The following RPS6KA2 variants were observed in gnomAD, a reference collection of about 807,000 sequenced individuals.
RPS6KA2 encodes ribosomal protein S6 kinase A2, also known as ribosomal protein S6 kinase alpha-2.
Under a neutral mutation model 91.8 loss-of-function variants are expected in RPS6KA2, and 42 were observed. That is an observed-to-expected ratio of 0.46 (90% CI 0.36 to 0.59). The LOEUF (loss-of-function observed/expected upper bound fraction) is 0.59, where lower values mean the gene tolerates loss of function less well. Ranked by LOEUF, RPS6KA2 falls within the 20% of genes least tolerant of loss-of-function variation. RPS6KA2 has a pLI of 0.00. For synonymous variants in RPS6KA2, 414 were observed against 393.6 expected (o/e 1.05, Z -0.61); for missense variants, 798 against 978.5 (o/e 0.82, Z 2.46).
intron 2 of RPS6KA2, among the ~76,000 whole-genome samples, chr6:166,792,785 C>T (rs1779125299): frequency 1.3e-5 from 2 of 152,244 alleles, no homozygotes; most frequent in Non-Finnish European, 2.9e-5. Context: ...GCAGAAAAGG[C>T]CTTTGACAAA....
In RPS6KA2 at chr6:166,802,442, G is replaced by A. The variant is rs76466372; in HGVS notation, c.123+55758C>T. Among the ~76,000 whole-genome samples the A allele has an allele frequency of 3.7e-3, 559 of 152,184 alleles. 4 individuals carry two copies. The highest frequency in any genetic ancestry group is 0.013 in the African/African-American group (538 of 41,526). On this transcript the variant is annotated intron_variant, in intron 2 of 21. Coordinates refer to the RPS6KA2 transcript ENST00000503859. The stretch of plus-strand genomic sequence containing the variant: ...AGATTTAAAAATAAGACCAGATCTC[G>A]GATTTTGGAAGGTCTTATGTGCTCA...
At chr6:166,796,839 A>C (rs1779238449) in intron 2 of RPS6KA2, among the ~76,000 whole-genome samples, 1 of 152,146 alleles carries the variant, frequency 6.6e-6, no homozygotes, top group Non-Finnish European at 1.5e-5. Flanking sequence ...TGGCACAGTC[A>C]CACGAGTCAC....
At position 166,495,796 on chromosome 6, in the gene RPS6KA2, AAGCCAGAGCCACC is replaced by A. The variant is rs1287994499; in HGVS notation, c.747+2699_747+2711del. 4.6e-5 allele frequency among the ~76,000 whole-genome samples: 7 copies of A among 152,318 alleles called. No individual in the cohort carries two copies. The South Asian group carries it at 6.2e-4, about 14-fold the overall frequency. On this transcript the variant is annotated intron_variant, in intron 8 of 20. Transcript: ENST00000265678. The surrounding 1 kb of genome is among the most constrained non-coding windows in gnomAD (Gnocchi z 4.4). ...AGCCAGGAGTGCTGAGAAGACACCG[AAGCCAGAGCCACC>A]AGCCAGAGCCACCAACCCGGCCAGG...
rs1779473584 is a variant in RPS6KA2 at position 166,805,582 on chromosome 6, G to A, written c.123+52618C>T. ...CAGAAAACACCTGCAAATACCTAAA[G>A]TCTACATCTCAGTCTGATCCTTGAC... On this transcript the variant is annotated intron_variant, in intron 2 of 21. Coordinates refer to the RPS6KA2 transcript ENST00000503859. Among the ~76,000 whole-genome samples, 4 of 152,146 alleles carry A rather than the reference G, an allele frequency of 2.6e-5. No homozygotes were observed. The South Asian group carries it at 6.2e-4, about 24-fold the overall frequency.
intron 10 of RPS6KA2, among the ~76,000 whole-genome samples, chr6:166,476,421 G>C (rs904908006): frequency 1.3e-5 from 2 of 152,222 alleles, no homozygotes; most frequent in Non-Finnish European, 2.9e-5. Flanking sequence ...AGTGTTCACT[G>C]TGGTCCGCTG....
intron 1 of RPS6KA2, among the ~76,000 whole-genome samples, chr6:166,546,179 CTG>C (rs1783820760): frequency 6.6e-6 from 1 of 152,138 alleles, no homozygotes; most frequent in African/African-American, 2.4e-5. Flanking sequence ...TAGCTACTGA[CTG>C]ACATGAGTGT....
intron 1 of RPS6KA2, among the ~76,000 whole-genome samples, chr6:166,613,813 G>A (rs527837425): frequency 9.2e-5 from 14 of 151,920 alleles, no homozygotes; most frequent in African/African-American, 3.4e-4. Context: ...GGCTTTTCAC[G>A]GCCTTCAGGA....
At chr6:166,540,197 A>G (rs968992944) in intron 1 of RPS6KA2, among the ~76,000 whole-genome samples, 1 of 152,260 alleles carries the variant, frequency 6.6e-6, no homozygotes, top group Non-Finnish European at 1.5e-5. Context: ...AAATGAAATC[A>G]CAATAGCAAT....
At chr6:166,748,154 A>G (rs1562415594) in intron 2 of RPS6KA2, among the ~76,000 whole-genome samples, 2 of 152,174 alleles carry the variant, frequency 1.3e-5, no homozygotes, top group African/African-American at 4.8e-5. Context: ...CGAAGAGATT[A>G]CTTCTGAAAA....
rs897494117 is a variant in RPS6KA2, at chr6:166,563,392, G to A, written c.100-24608C>T. Among the ~76,000 whole-genome samples, 2 of 152,160 alleles carry A rather than the reference G, an allele frequency of 1.3e-5. No homozygotes were observed. Among genetic ancestry groups the A allele is most frequent in the African/African-American group, 4.8e-5 (2 of 41,434 alleles). Reference sequence around the variant, plus strand: ...CTTTTCCTCCCAGTCTCCTGGGCTCGCCGCCAGCGGTGGGATCCCTCTTCC... The same window carrying A: ...CTTTTCCTCCCAGTCTCCTGGGCTCACCGCCAGCGGTGGGATCCCTCTTCC... On this transcript the variant is annotated intron_variant, in intron 1 of 20. Coordinates refer to ENST00000265678, the MANE Select transcript of RPS6KA2 (RefSeq NM_021135.6). This position sits in a 1 kb window ranked among gnomAD's most constrained non-coding sequence, Gnocchi z 4.1.
intron 1 of RPS6KA2, among the ~76,000 whole-genome samples, chr6:166,589,576 C>G (rs1447959519): frequency 6.6e-6 from 1 of 152,186 alleles, no homozygotes; most frequent in Non-Finnish European, 1.5e-5. Context: ...TCATTCTACC[C>G]TTAGGTATTT....
intron 1 of RPS6KA2, among the ~76,000 whole-genome samples, chr6:166,565,593 A>G (rs1784475832): frequency 1.3e-5 from 2 of 151,966 alleles, no homozygotes; most frequent in African/African-American, 4.8e-5. Flanking sequence ...CCAACCCCAC[A>G]CTCTTCAGTG....
chr6:166,812,620 A>G (rs1016598324), intron 2 of RPS6KA2, among the ~76,000 whole-genome samples: 6 of 152,142 alleles, frequency 3.9e-5, no homozygotes, highest in Admixed American at 6.6e-5. Context: ...ACCCGTGGCC[A>G]CGTGGCCTCA....
chr6:166,677,519 C>G (rs1033807646), intron 2 of RPS6KA2, among the ~76,000 whole-genome samples: 27 of 152,008 alleles, frequency 1.8e-4, no homozygotes, highest in Non-Finnish European at 4.0e-4. Context: ...CACCACCACT[C>G]CCAGCTAATT....
intron 2 of RPS6KA2, among the ~76,000 whole-genome samples, chr6:166,790,813 TGA>T (rs888963213): frequency 2.0e-5 from 3 of 152,144 alleles, no homozygotes; most frequent in Non-Finnish European, 4.4e-5. Flanking sequence ...AAACAAATGC[TGA>T]GAGATTTTGT....
At position 166,500,157 on chromosome 6, in the gene RPS6KA2, C is replaced by G. The variant is rs1781973049; in HGVS notation, c.604+730G>C. ...AGCAAGGGAGTCTCCTCTAGAGGCC[C>G]CCAAAAGGCAGGCAGCCCTGCTGAC... is the stretch of plus-strand genomic sequence containing the variant. On this transcript the variant is annotated intron_variant, in intron 7 of 20. Coordinates refer to ENST00000265678, the MANE Select transcript of RPS6KA2 (RefSeq NM_021135.6). The surrounding 1 kb of genome is among the most constrained non-coding windows in gnomAD (Gnocchi z 4.3). Among the ~76,000 whole-genome samples, 1 of 152,212 alleles carries G rather than the reference C, an allele frequency of 6.6e-6. No homozygotes were observed. The highest frequency in any genetic ancestry group is 6.5e-5 in the Admixed American group (1 of 15,282).
At chr6:166,496,466 A>T (rs370575119) in intron 8 of RPS6KA2, among the ~76,000 whole-genome samples, 5 of 152,156 alleles carry the variant, frequency 3.3e-5, no homozygotes, top group African/African-American at 1.2e-4. Flanking sequence ...ACAGAAGACT[A>T]TCAAATCTCC....
intron 2 of RPS6KA2, among the ~76,000 whole-genome samples, chr6:166,819,077 G>A (rs1239808075): frequency 6.6e-6 from 1 of 152,106 alleles, no homozygotes; most frequent in East Asian, 1.9e-4. Context: ...TTTAGCACAT[G>A]GACACGCCAC....
intron 2 of RPS6KA2, among the ~76,000 whole-genome samples, chr6:166,646,069 A>G (rs1045850541): frequency 2.0e-5 from 3 of 152,144 alleles, no homozygotes; most frequent in African/African-American, 7.2e-5. Flanking sequence ...GATAGCTCCT[A>G]TTGTTAGGGA....
Sources: allele counts gnomAD v4.1 joint callset (sites outside exome capture counted in the v4.1 genomes callset), GRCh38; gene constraint gnomAD v4.1.1; non-coding constraint Gnocchi (gnomAD v3.1); transcripts MANE v1.5; gene names NCBI Gene and HGNC (gene_info 2026-07-23, HGNC 2026-07-21).